POU2F1: variants seen among roughly 807,000 people sequenced by gnomAD.
POU2F1 encodes POU class 2 homeobox 1.
POU2F1 carries 16 observed loss-of-function variants against 84.9 expected under a neutral mutation model. The observed-to-expected ratio is 0.19, with a 90% CI of 0.13 to 0.29. The LOEUF (loss-of-function observed/expected upper bound fraction) is 0.29, where lower values mean the gene tolerates loss of function less well. Among genes scored for constraint, POU2F1 ranks in the 10% least tolerant of loss-of-function variants. The pLI is 1.00. For synonymous variants in POU2F1, 368 were observed against 368.3 expected (o/e 1.00, Z 0.01); for missense variants, 738 against 942.6 (o/e 0.78, Z 2.84).
intron 1 of POU2F1, among the ~76,000 whole-genome samples, chr1:167,255,491 T>C (rs1651063682): frequency 6.6e-6 from 1 of 152,136 alleles, no homozygotes; most frequent in African/African-American, 2.4e-5. Flanking sequence ...AATAAGATAG[T>C]TTTTATGGTG....
At chr1:167,248,276 T>C (rs1650483805) in intron 1 of POU2F1, among the ~76,000 whole-genome samples, 1 of 152,258 alleles carries the variant, frequency 6.6e-6, no homozygotes, top group Admixed American at 6.5e-5. Flanking sequence ...TGGATGAATT[T>C]GTTTTGCTTT....
Position 167,416,245 on chromosome 1 carries a change from C to G in POU2F1, c.*435C>G, listed in dbSNP as rs1650314178. ...CTTGTTTGTCTAAATTTCTTTTTTTCTTAAAAAAAAAAAATCATTTTTATG... is the reference window on the plus strand; with the variant it reads ...CTTGTTTGTCTAAATTTCTTTTTTTGTTAAAAAAAAAAAATCATTTTTATG... On this transcript the variant is annotated 3_prime_UTR_variant, in exon 16 of 16. Coordinates refer to ENST00000367866, the MANE Select transcript of POU2F1 (RefSeq NM_002697.4). The G allele has an allele frequency of 6.7e-6, 2 of 297,712 alleles. No homozygotes were observed. The highest frequency in any genetic ancestry group is 1.3e-5 in the Non-Finnish European group (2 of 156,242). The allele number at this position is 297,712 out of a possible 1,614,324, so 18.4% of individuals were successfully genotyped here.
chr1:167,258,515 A>G (rs1651313377), intron 1 of POU2F1, among the ~76,000 whole-genome samples: 1 of 152,222 alleles, frequency 6.6e-6, no homozygotes, highest in African/African-American at 2.4e-5. Context: ...CCTAATGGCC[A>G]GGTCTATTTG....
chr1:167,407,186 C>T (rs1260502862), intron 13 of POU2F1, among the ~76,000 whole-genome samples: 2 of 151,920 alleles, frequency 1.3e-5, no homozygotes, highest in South Asian at 2.1e-4. Context: ...ACATGCCACC[C>T]GCCCAGCTAA....
chr1:167,389,187 T>C (rs1163478952), intron 8 of POU2F1, among the ~76,000 whole-genome samples: 1 of 152,196 alleles, frequency 6.6e-6, no homozygotes, highest in African/African-American at 2.4e-5. Flanking sequence ...GGAGATGTAA[T>C]AGTGGTAAAC....
intron 2 of POU2F1, among the ~76,000 whole-genome samples, chr1:167,355,172 C>CT (rs773260599): frequency 2.4e-3 from 320 of 133,866 alleles, no homozygotes; most frequent in African/African-American, 6.7e-3. Context: ...ATTTTTCTTT[C>CT]TTTTTTTTTT....
rs969216927 is a variant in POU2F1, at chr1:167,376,862, A to T, written c.718+707A>T. Among the ~76,000 whole-genome samples the T allele has an allele frequency of 6.6e-5, 10 of 152,312 alleles. No homozygotes were observed. In the East Asian group the frequency reaches 1.5e-3, roughly 24 times the overall value. On this transcript the variant is annotated intron_variant, in intron 7 of 15. Transcript: ENST00000367866. ...ATATATTCAAGATTCAGAGATAAGT[A>T]ATTCAGTATTTACTTGCAGAGGGCT...
rs1350228808 is a variant in POU2F1, at chr1:167,371,819, A to C, written c.283-98A>C. 3 of 1,515,802 alleles carry C rather than the reference A, an allele frequency of 2.0e-6. No individual in the cohort carries two copies. The African/African-American group carries it at 4.1e-5, about 21-fold the overall frequency. 93.9% of individuals were successfully genotyped at this position (1,515,802 alleles called of 1,614,324 possible). A position where few individuals can be genotyped will look rare whatever the true frequency, so the allele number is the denominator to read the frequency against. ...GTAAACCAGAACTCATGACTGAATA[A>C]GCTCATGTTTTAAATGATTCCTAAA... On this transcript the variant is annotated intron_variant, in intron 4 of 15. Coordinates refer to ENST00000367866, the MANE Select transcript of POU2F1 (RefSeq NM_002697.4).
intron 13 of POU2F1, among the ~76,000 whole-genome samples, chr1:167,406,461 G>A (rs150114488): frequency 7.9e-5 from 12 of 152,288 alleles, no homozygotes; most frequent in Non-Finnish European, 1.8e-4. Context: ...TTGAGAATTA[G>A]GTAAGAGTGT....
intron 1 of POU2F1, among the ~76,000 whole-genome samples, chr1:167,330,213 G>A (rs1187449050): frequency 2.0e-5 from 3 of 152,088 alleles, no homozygotes; most frequent in Admixed American, 2.0e-4. Flanking sequence ...TAAAACTTTT[G>A]CAAATGACTT....
At chr1:167,229,385 T>C (rs1032776915) in intron 1 of POU2F1, among the ~76,000 whole-genome samples, 2 of 151,990 alleles carry the variant, frequency 1.3e-5, no homozygotes, top group Non-Finnish European at 2.9e-5. Context: ...TTTGGGTGGG[T>C]CTTATTGGGT....
chr1:167,243,598 C>T (rs1368979371), intron 1 of POU2F1, among the ~76,000 whole-genome samples: 1 of 152,280 alleles, frequency 6.6e-6, no homozygotes, highest in South Asian at 2.1e-4. Context: ...GCCTCAGCCT[C>T]CCGAGTAGCT....
At position 167,268,495 on chromosome 1, in the gene POU2F1, C is replaced by T. The variant is rs1652140412; in HGVS notation, c.61+47537C>T. 2.0e-5 allele frequency among the ~76,000 whole-genome samples: 3 copies of T among 152,092 alleles called. No homozygotes were observed. In the South Asian group the frequency reaches 6.2e-4, roughly 31 times the overall value. On this transcript the variant is annotated intron_variant, in intron 1 of 15. Coordinates refer to ENST00000367866, the MANE Select transcript of POU2F1 (RefSeq NM_002697.4). ...GAGCACAAAAGGGGGAAAGGAGACC[C>T]TTTTGAAGAACAAAGGCCTCCCATT...
intron 15 of POU2F1, chr1:167,414,714 T>A (rs1650189659): frequency 1.0e-6 from 1 of 984,874 alleles, no homozygotes; most frequent in Non-Finnish European, 1.2e-6. Context: ...TATGTCTAAT[T>A]TCCTGCTACA....
chr1:167,315,693 ACTTGGGAGG>A (rs1655841554), intron 1 of POU2F1, among the ~76,000 whole-genome samples: 1 of 151,928 alleles, frequency 6.6e-6, no homozygotes, highest in African/African-American at 2.4e-5. Flanking sequence ...AGTCCCAGCT[ACTTGGGAGG>A]CTGAGGCGAG....
intron 1 of POU2F1, among the ~76,000 whole-genome samples, chr1:167,312,015 A>G (rs182776262): frequency 1.3e-5 from 2 of 151,778 alleles, no homozygotes; most frequent in Non-Finnish European, 2.9e-5. Flanking sequence ...GCTCACTGCA[A>G]CCTCTGCCTC....
Position 167,329,156 on chromosome 1 carries a change from T to G in POU2F1, c.62-3314T>G. 11 of 1,421,160 alleles carry G rather than the reference T, an allele frequency of 7.7e-6. No homozygotes were observed. The South Asian group carries it at 1.4e-4, about 18-fold the overall frequency. 88.0% of individuals were successfully genotyped at this position (1,421,160 alleles called of 1,614,324 possible). On this transcript the variant is annotated intron_variant, in intron 1 of 15. Transcript: ENST00000367866. ...CACTTTCCACCCTACGCAACCCCCCTCTTTTCGCTTAAGAACATACTGTAG... is the reference window on the plus strand; with the variant it reads ...CACTTTCCACCCTACGCAACCCCCCGCTTTTCGCTTAAGAACATACTGTAG...
intron 1 of POU2F1, among the ~76,000 whole-genome samples, chr1:167,251,594 G>C (rs1650729570): frequency 6.6e-6 from 1 of 151,992 alleles, no homozygotes; most frequent in Admixed American, 6.6e-5. Context: ...TTTCCCTCAT[G>C]GTCTCTGTAT....
chr1:167,304,101 A>G (rs1654892536), intron 1 of POU2F1, among the ~76,000 whole-genome samples: 1 of 152,188 alleles, frequency 6.6e-6, no homozygotes, highest in African/African-American at 2.4e-5. Context: ...CAGAATCTAC[A>G]TCTGACTCCT....
Sources: allele counts gnomAD v4.1 joint callset (sites outside exome capture counted in the v4.1 genomes callset), GRCh38; gene constraint gnomAD v4.1.1; transcripts MANE v1.5; gene names NCBI Gene and HGNC (gene_info 2026-07-23, HGNC 2026-07-21).